The following FCHO1 variants were observed in gnomAD, a reference collection of about 807,000 sequenced individuals.
The protein encoded by FCHO1 is FCH and mu domain containing endocytic adaptor 1.
In FCHO1, 45 loss-of-function variants were observed where a neutral mutation model predicts 114.4. That is an observed-to-expected ratio of 0.39 (90% confidence interval 0.31 to 0.50). The LOEUF is 0.50. FCHO1 is among the 20% of genes least tolerant of loss of function. FCHO1 has a pLI of 0.77. For synonymous variants in FCHO1, 480 were observed against 488.9 expected, an observed-to-expected ratio of 0.98 and a Z score of 0.24; for missense variants, 1,042 against 1,209.6, an observed-to-expected ratio of 0.86 and a Z score of 2.06.
At chr19:17,767,279 G>A (rs1599640946) in intron 7 of FCHO1, among the ~76,000 whole-genome samples, 2 of 151,666 alleles carry the variant, frequency 1.3e-5, no homozygotes, top group East Asian at 3.9e-4. Flanking sequence ...CTGGCGTAGT[G>A]ACTCATGCCT....
At chr19:17,786,523 C>G in intron 26 of FCHO1, 51 bp from the exon 27 acceptor site, 1 of 1,589,498 alleles carries the variant, frequency 6.3e-7, no homozygotes, top group Non-Finnish European at 8.6e-7. Context: ...GGACCCTGGG[C>G]TCTCAGCATC....
Position 17,787,690 on chromosome 19 carries a change from C to G in FCHO1, c.2491C>G (p.Arg831Gly), listed in dbSNP as rs148007824. The change falls in exon 28 of 29, where the codon CGC becomes GGC. Residue 831 changes from arginine to glycine, a missense_variant. Physicochemically the swap from Arg to Gly is moderately radical, Grantham distance 125. Coordinates refer to ENST00000596536, the MANE Select transcript of FCHO1 (RefSeq NM_015122.3). ...ACTGCAGGTCTCCCCAGGTTCTGGC[C>G]GCCTCTCTGCCAGCTGGGAGCCGCT... The part of the protein sequence containing the change: ...PDVSEAGGSG[R>G]LSASWEPLSG... 2 of 1,557,492 alleles carry G rather than the reference C, an allele frequency of 1.3e-6. No individual in the cohort carries two copies.
upstream of FCHO1, among the ~76,000 whole-genome samples, chr19:17,749,915 A>G (rs2081490723): frequency 6.6e-6 from 1 of 152,178 alleles, no homozygotes; most frequent in South Asian, 2.1e-4. Flanking sequence ...AGAGAGGGAA[A>G]TGTGAGATCC....
intron 9 of FCHO1, among the ~76,000 whole-genome samples, chr19:17,771,576 G>A (rs570299288): frequency 7.9e-5 from 12 of 151,860 alleles, no homozygotes; most frequent in African/African-American, 2.4e-4. Flanking sequence ...GGCTGAGGCC[G>A]GAGAATGGCG....
At chr19:17,786,713 G>A in intron 27 of FCHO1, 84 bp downstream of exon 27, 1 of 1,468,952 alleles carries the variant, frequency 6.8e-7, no homozygotes, top group Non-Finnish European at 9.3e-7. Context: ...GAAGAATTGG[G>A]GACATACTGA....
chr19:17,749,165 C>T (rs2081329480), upstream of FCHO1, among the ~76,000 whole-genome samples: 1 of 152,138 alleles, frequency 6.6e-6, no homozygotes, highest in Non-Finnish European at 1.5e-5. Flanking sequence ...GGGCGAGGTC[C>T]TGGGCAGGAG....
At chr19:17,772,776 G>A in intron 11 of FCHO1, 35 bp downstream of exon 11, 6 of 1,514,952 alleles carry the variant, frequency 4.0e-6, no homozygotes, top group Non-Finnish European at 5.5e-6. Flanking sequence ...TCGGGCTTCG[G>A]GGCCACAGCT....
Position 17,783,186 on chromosome 19 carries a change from G to T in FCHO1, c.2093+14G>T, listed in dbSNP as rs201749964. The T allele has an allele frequency of 2.0e-4, 315 of 1,610,300 alleles. 1 individual carries two copies. In the African/African-American group the frequency reaches 3.5e-3, roughly 18 times the overall value. ...TCTGCTGTTCAGGTACTATGGAGGG[G>T]CAGTGGGAGAGGGCCTCGGAGGCTG... On this transcript the variant is annotated intron_variant, in intron 24 of 28. Transcript: ENST00000596536.
chr19:17,784,619 T>C lies in FCHO1; in HGVS notation c.2227-106T>C, dbSNP rs1157720165. The C allele has an allele frequency of 7.4e-6, 8 of 1,084,118 alleles. No homozygotes were observed. Among genetic ancestry groups the C allele is most frequent in the African/African-American group, 6.2e-5 (4 of 64,862 alleles). The allele number at this position is 1,084,118 out of a possible 1,614,324, so 67.2% of individuals were successfully genotyped here. ...CAAATCTCCCTGTGACTGGACCCCC[T>C]TGGGGCGGTGCGTGCATCGCAGGGT... On this transcript the variant is annotated intron_variant, in intron 25 of 28. Transcript: ENST00000596536. The surrounding 1 kb of genome is among the most constrained non-coding windows in gnomAD (Gnocchi z 5.3).
At chr19:17,752,899 C>G (rs1485181153) in intron 1 of FCHO1, among the ~76,000 whole-genome samples, 3 of 151,774 alleles carry the variant, frequency 2.0e-5, no homozygotes, top group Non-Finnish European at 4.4e-5. Flanking sequence ...AAGAACCTGT[C>G]TCCAGAAAAA....
rs2147410963 is a variant in FCHO1 at position 17,784,047 on chromosome 19, G to A, written c.2094-56G>A. ...TTAGGAAGGGGTAGATTGAATGCTG[G>A]GAGCCCTGGGAGGGCATGTCCCGAG... On this transcript the variant is annotated intron_variant, in intron 24 of 28. Coordinates refer to ENST00000596536, the MANE Select transcript of FCHO1 (RefSeq NM_015122.3). The surrounding 1 kb of genome is among the most constrained non-coding windows in gnomAD (Gnocchi z 5.3). The A allele has an allele frequency of 1.3e-6, 2 of 1,575,058 alleles. No homozygotes were observed. The highest frequency in any genetic ancestry group is 1.7e-4 in the Middle Eastern group (1 of 5,908).
Position 17,772,730 on chromosome 19 carries a change from G to A in FCHO1, c.779G>A (p.Arg260Gln), listed in dbSNP as rs202047816. 1.8e-5 allele frequency: 29 copies of A among 1,614,030 alleles called. No individual in the cohort carries two copies. In the East Asian group the frequency reaches 2.9e-4, roughly 16 times the overall value. Residue 260 changes from arginine to glutamine, a missense_variant, in exon 11 of 29, where the codon CGG (arginine) becomes CAG (glutamine). By Grantham distance (43) the Arg-to-Gln change is conservative. Transcript: ENST00000596536. ...TTTGCAGAGAGTAAGGGCACAGGCC[G>A]GGAGAAGCCTGGTGAGTCAGGGCAG... ...RKFAESKGTG[R>Q]EKPGPLDFEA...
At chr19:17,759,224 A>G (rs974237512) in intron 4 of FCHO1, among the ~76,000 whole-genome samples, 1 of 19,038 alleles carries the variant, frequency 5.3e-5, no homozygotes, top group East Asian at 2.1e-3. Context: ...CCAGCTGATT[A>G]CCTTTTTTTT....
In FCHO1 at chr19:17,766,661, G is replaced by GC; in HGVS notation, c.195-3dup. On this transcript the variant is annotated splice_polypyrimidine_tract_variant and splice_region_variant and intron_variant, in intron 6 of 28. Coordinates refer to ENST00000596536, the MANE Select transcript of FCHO1 (RefSeq NM_015122.3). ...ATGAACCCTGGGTGTGACCTTGCCC[G>GC]CCCCCAGGACCTTCGCCCCGCTCTG... is the stretch of plus-strand genomic sequence containing the variant. The GC allele has an allele frequency of 6.2e-7, 1 of 1,613,850 alleles. No homozygotes were observed. Among genetic ancestry groups the GC allele is most frequent in the Non-Finnish European group, 8.5e-7 (1 of 1,179,904 alleles).
chr19:17,784,301 C>A lies in FCHO1; in HGVS notation c.2226+66C>A. The A allele has an allele frequency of 6.5e-7, 1 of 1,530,592 alleles. No individual in the cohort carries two copies. Among genetic ancestry groups the A allele is most frequent in the South Asian group, 1.2e-5 (1 of 82,982 alleles). The allele number at this position is 1,530,592 out of a possible 1,614,324, so 94.8% of individuals were successfully genotyped here. On this transcript the variant is annotated intron_variant, in intron 25 of 28. Coordinates refer to ENST00000596536, the MANE Select transcript of FCHO1 (RefSeq NM_015122.3). This position sits in a 1 kb window ranked among gnomAD's most constrained non-coding sequence, Gnocchi z 5.3. ...GGGGACACGGTGAGCCGGCAGCAGACATGGAGGCGCCTGCGTGTTGGCCAG... is the reference window on the plus strand; with the variant it reads ...GGGGACACGGTGAGCCGGCAGCAGAAATGGAGGCGCCTGCGTGTTGGCCAG...
intron 19 of FCHO1, 63 bp from the exon 20 acceptor site, chr19:17,778,546 G>T (rs1386189044): frequency 4.8e-6 from 7 of 1,462,394 alleles, no homozygotes; most frequent in Non-Finnish European, 6.3e-6. Flanking sequence ...TGGCCTGCAG[G>T]AGGATGGGCA....
rs529958311 is a variant in FCHO1, at chr19:17,752,919, T to A, written c.-183+1342T>A. Among the ~76,000 whole-genome samples, 13 of 149,598 alleles carry A rather than the reference T, an allele frequency of 8.7e-5. No individual in the cohort carries two copies. In the East Asian group the frequency reaches 2.6e-3, roughly 30 times the overall value. ...CCTGTCTCCAGAAAAAATAAAAAAATAAAAAAAACTTAATACAAAAATTAT... is the reference window on the plus strand; with the variant it reads ...CCTGTCTCCAGAAAAAATAAAAAAAAAAAAAAAACTTAATACAAAAATTAT... On this transcript the variant is annotated intron_variant, in intron 1 of 28. Transcript: ENST00000596536.
intron 5 of FCHO1, 77 bp downstream of exon 5, chr19:17,762,930 G>GC: frequency 5.0e-6 from 5 of 997,114 alleles, no homozygotes; most frequent in Non-Finnish European, 6.4e-6. Flanking sequence ...GCTACGCCCT[G>GC]CATGGTCAGG....
chr19:17,769,289 A>C (rs2090589924), intron 7 of FCHO1, among the ~76,000 whole-genome samples: 1 of 147,648 alleles, frequency 6.8e-6, no homozygotes, highest in Non-Finnish European at 1.5e-5. Context: ...AAAAAAAAAA[A>C]AAAAAGGCCT....
Sources: gnomAD v4.1 joint callset for allele counts (sites outside exome capture counted in the v4.1 genomes callset) on GRCh38, gnomAD v4.1.1 for gene constraint, Gnocchi (gnomAD v3.1) non-coding constraint, MANE v1.5 for transcripts, NCBI Gene and HGNC (gene_info 2026-07-23, HGNC 2026-07-21) for gene names.